The following THSD7B variants were observed in gnomAD, a reference collection of about 807,000 sequenced individuals.
THSD7B encodes thrombospondin type-1 domain-containing protein 7B.
A neutral mutation model predicts 213.6 loss-of-function variants in THSD7B; 138 were observed. The ratio of observed to expected loss-of-function variants is 0.65; its 90% confidence interval spans 0.56 to 0.74. The LOEUF is 0.74. Among genes scored for constraint, THSD7B ranks in the 30% least tolerant of loss-of-function variants. The pLI is 0.00. For missense variants in THSD7B, 1,931 were observed against 1,991.5 expected, an observed-to-expected ratio of 0.97 and a Z score of 0.58; for synonymous variants, 742 against 687.0, an observed-to-expected ratio of 1.08 and a Z score of -1.25.
intron 7 of THSD7B, among the ~76,000 whole-genome samples, chr2:137,179,273 A>G (rs139234857): frequency 1.1e-4 from 16 of 152,276 alleles, no homozygotes; most frequent in African/African-American, 3.6e-4. Context: ...TGTAATGCGA[A>G]TAACAGGGAT....
chr2:137,245,466 G>A (rs1183683293), intron 10 of THSD7B, among the ~76,000 whole-genome samples: 2 of 152,054 alleles, frequency 1.3e-5, no homozygotes, highest in African/African-American at 4.8e-5. Flanking sequence ...TCCTTCCCGG[G>A]TCCTCAGCCT....
At chr2:136,991,059 A>G in intron 2 of THSD7B, 1 of 772,872 alleles carries the variant, frequency 1.3e-6, no homozygotes, top group Non-Finnish European at 1.9e-6. Flanking sequence ...GTTAAATAAA[A>G]AGGACCTGGA....
chr2:136,943,128 C>A (rs564894325), intron 2 of THSD7B, among the ~76,000 whole-genome samples: 1 of 151,880 alleles, frequency 6.6e-6, no homozygotes, highest in Non-Finnish European at 1.5e-5. Context: ...TCTGCATCTA[C>A]TGAGATAATC....
intron 2 of THSD7B, among the ~76,000 whole-genome samples, chr2:136,930,243 A>G (rs1684604885): frequency 6.6e-6 from 1 of 152,176 alleles, no homozygotes; most frequent in Non-Finnish European, 1.5e-5. Flanking sequence ...TAAAAATAGG[A>G]CAGAATTGGA....
At chr2:137,478,723 G>A (rs1688243330) in intron 15 of THSD7B, among the ~76,000 whole-genome samples, 2 of 152,234 alleles carry the variant, frequency 1.3e-5, no homozygotes, top group East Asian at 1.9e-4. Context: ...TAATAGGGGA[G>A]GACATTTTCC....
chr2:137,233,614 C>G (rs753646158), intron 9 of THSD7B, among the ~76,000 whole-genome samples: 1 of 152,116 alleles, frequency 6.6e-6, no homozygotes, highest in Non-Finnish European at 1.5e-5. Flanking sequence ...CAGAAGTTTA[C>G]AATCTCATGC....
intron 4 of THSD7B, among the ~76,000 whole-genome samples, chr2:137,098,631 G>T (rs1281121714): frequency 6.6e-6 from 1 of 152,160 alleles, no homozygotes; most frequent in Non-Finnish European, 1.5e-5. Flanking sequence ...AATTACTCAG[G>T]AAATTAGGGG....
At chr2:137,661,126 T>C (rs964706754) in intron 25 of THSD7B, among the ~76,000 whole-genome samples, 2 of 152,160 alleles carry the variant, frequency 1.3e-5, no homozygotes, top group African/African-American at 4.8e-5. Flanking sequence ...AGATTCATAA[T>C]CTTATGCTTA....
At chr2:136,894,257 C>T (rs1405729959) in intron 2 of THSD7B, among the ~76,000 whole-genome samples, 2 of 152,162 alleles carry the variant, frequency 1.3e-5, no homozygotes, top group Non-Finnish European at 1.5e-5. Context: ...AAGAGTGCTG[C>T]ACTTTTAATC....
intron 1 of THSD7B, among the ~76,000 whole-genome samples, chr2:136,864,461 A>G (rs1274624768): frequency 6.6e-6 from 1 of 152,310 alleles, no homozygotes; most frequent in East Asian, 1.9e-4. Flanking sequence ...CAAAAATTTA[A>G]TGTATGTATT....
At chr2:137,090,689 T>C (rs1397513320) in intron 3 of THSD7B, among the ~76,000 whole-genome samples, 3 of 152,234 alleles carry the variant, frequency 2.0e-5, no homozygotes, top group African/African-American at 4.8e-5. Flanking sequence ...AGAATAGGTC[T>C]GTTTCATTAA....
intron 12 of THSD7B, among the ~76,000 whole-genome samples, chr2:137,330,884 G>T (rs758612491): frequency 1.9e-4 from 29 of 152,142 alleles, no homozygotes; most frequent in Non-Finnish European, 4.0e-4. Context: ...AGAGCCGAGT[G>T]GTCTGTTTTG....
chr2:137,186,707 T>A (rs764083285), intron 7 of THSD7B, among the ~76,000 whole-genome samples: 1 of 152,140 alleles, frequency 6.6e-6, no homozygotes, highest in Non-Finnish European at 1.5e-5. Context: ...CTTTTTTGGT[T>A]CCAGATGAAT....
chr2:137,020,014 G>A (rs1262056516), intron 2 of THSD7B, among the ~76,000 whole-genome samples: 4 of 152,138 alleles, frequency 2.6e-5, no homozygotes, highest in Non-Finnish European at 5.9e-5. Context: ...TTAAGTTAGG[G>A]ATCATGAAAA....
At chr2:137,149,144 T>C (rs1319130305) in intron 5 of THSD7B, among the ~76,000 whole-genome samples, 2 of 152,212 alleles carry the variant, frequency 1.3e-5, no homozygotes, top group Admixed American at 1.3e-4. Context: ...CTCAGGCTGT[T>C]GCTTCAGAGG....
chr2:137,529,595 T>TA (rs1680357331), intron 15 of THSD7B, among the ~76,000 whole-genome samples: 1 of 116,906 alleles, frequency 8.6e-6, no homozygotes, highest in Non-Finnish European at 1.8e-5. Flanking sequence ...CTTCTAAGAA[T>TA]CTTTTTTTTT....
chr2:137,483,458 T>G, intron 15 of THSD7B, among the ~76,000 whole-genome samples: 1 of 152,238 alleles, frequency 6.6e-6, no homozygotes, highest in East Asian at 1.9e-4. Flanking sequence ...ATGCAATGTT[T>G]GTTAATTGAA....
chr2:136,915,847 A>G (rs1355201702), intron 2 of THSD7B, among the ~76,000 whole-genome samples: 1 of 152,242 alleles, frequency 6.6e-6, no homozygotes, highest in Non-Finnish European at 1.5e-5. Flanking sequence ...TAAATTCAAC[A>G]ACAACAAAAG....
chr2:137,463,540 TTCTC>T (rs1419016779), intron 15 of THSD7B, among the ~76,000 whole-genome samples: 5 of 152,022 alleles, frequency 3.3e-5, no homozygotes, highest in African/African-American at 4.8e-5. Context: ...TGGCTTTTCT[TTCTC>T]TACTATCATT....
Sources: gnomAD v4.1 joint callset for allele counts (sites outside exome capture counted in the v4.1 genomes callset) on GRCh38, gnomAD v4.1.1 for gene constraint, MANE v1.5 for transcripts, NCBI Gene and HGNC (gene_info 2026-07-23, HGNC 2026-07-21) for gene names.